KCTD8: variants seen among roughly 807,000 people sequenced by gnomAD.
The protein encoded by KCTD8 is potassium channel tetramerization domain containing 8.
Under a neutral mutation model 31.5 loss-of-function variants are expected in KCTD8, and 27 were observed. The ratio of observed to expected loss-of-function variants is 0.86; its 90% confidence interval spans 0.63 to 1.18. KCTD8 has a LOEUF of 1.18. Among genes scored for constraint, KCTD8 ranks in the 50% most tolerant of loss-of-function variants. The probability of loss-of-function intolerance (pLI) is 0.00; values close to 1 mark genes in which losing one functional copy is unlikely to be tolerated. For synonymous variants in KCTD8, 290 were observed against 280.0 expected, an observed-to-expected ratio of 1.04 and a Z score of -0.36; for missense variants, 658 against 647.7, an observed-to-expected ratio of 1.02 and a Z score of -0.17.
chr4:44,253,531 C>A (rs1281862312), intron 1 of KCTD8, among the ~76,000 whole-genome samples: 5 of 151,690 alleles, frequency 3.3e-5, no homozygotes, highest in Non-Finnish European at 7.4e-5. Flanking sequence ...CAGTTCTAGC[C>A]CTAGCCTTTA....
intron 1 of KCTD8, among the ~76,000 whole-genome samples, chr4:44,360,609 A>G (rs1428069774): frequency 6.6e-6 from 1 of 152,066 alleles, no homozygotes; most frequent in East Asian, 1.9e-4. Context: ...AACCAGGAGC[A>G]TCGAGAAAAC....
At position 44,356,670 on chromosome 4, in the gene KCTD8, C is replaced by A. The variant is rs1194811967; in HGVS notation, c.961+90893G>T. On this transcript the variant is annotated intron_variant, in intron 1 of 1. Coordinates refer to ENST00000360029, the MANE Select transcript of KCTD8 (RefSeq NM_198353.3). ...ATTTTTGGTAGAGACAGGGTTCCTACCATGTTGGCCAGGCTGGTCTCGAAC... is the reference window on the plus strand; with the variant it reads ...ATTTTTGGTAGAGACAGGGTTCCTAACATGTTGGCCAGGCTGGTCTCGAAC... 2.0e-5 allele frequency among the ~76,000 whole-genome samples: 3 copies of A among 152,114 alleles called. No individual in the cohort carries two copies. In the East Asian group the frequency reaches 5.8e-4, roughly 29 times the overall value.
chr4:44,213,246 T>A (rs1343834312), intron 1 of KCTD8, among the ~76,000 whole-genome samples: 1 of 152,174 alleles, frequency 6.6e-6, no homozygotes, highest in Non-Finnish European at 1.5e-5. Context: ...TTCTTTTTTT[T>A]ATTGACCAAA....
intron 1 of KCTD8, among the ~76,000 whole-genome samples, chr4:44,436,439 A>T (rs1332588235): frequency 6.6e-6 from 1 of 152,136 alleles, no homozygotes; most frequent in East Asian, 1.9e-4. Flanking sequence ...ACAGAAAAAA[A>T]GACATAAAAA....
At chr4:44,266,443 C>CA (rs1248163222) in intron 1 of KCTD8, among the ~76,000 whole-genome samples, 1 of 152,146 alleles carries the variant, frequency 6.6e-6, no homozygotes, top group Non-Finnish European at 1.5e-5. Context: ...AAAAACATGC[C>CA]AAAATGTAAA....
intron 1 of KCTD8, among the ~76,000 whole-genome samples, chr4:44,358,798 T>C (rs1342810032): frequency 6.6e-6 from 1 of 152,164 alleles, no homozygotes; most frequent in Non-Finnish European, 1.5e-5. Flanking sequence ...CTCGATCTCC[T>C]GACCTCATGA....
intron 1 of KCTD8, among the ~76,000 whole-genome samples, chr4:44,228,310 C>T (rs2109351347): frequency 6.6e-6 from 1 of 152,298 alleles, no homozygotes; most frequent in Non-Finnish European, 1.5e-5. Flanking sequence ...CTCTCTGTGC[C>T]TGTCCTAATC....
chr4:44,247,558 A>G (rs1482021360), intron 1 of KCTD8, among the ~76,000 whole-genome samples: 1 of 151,884 alleles, frequency 6.6e-6, no homozygotes, highest in Non-Finnish European at 1.5e-5. Context: ...CAATAAGCAT[A>G]TCTCTAGACT....
chr4:44,255,066 G>T (rs946091461), intron 1 of KCTD8, among the ~76,000 whole-genome samples: 2 of 151,764 alleles, frequency 1.3e-5, no homozygotes, highest in Non-Finnish European at 2.9e-5. Context: ...GGTATTTTTG[G>T]TTTGTTTTCT....
intron 1 of KCTD8, among the ~76,000 whole-genome samples, chr4:44,442,774 TACACACACAC>T: frequency 6.8e-6 from 1 of 147,342 alleles, no homozygotes; most frequent in East Asian, 2.0e-4. Context: ...AACTAAGGTA[TACACACACAC>T]ACACACACAC....
In KCTD8 at chr4:44,425,970, G is replaced by T. The variant is rs149765146; in HGVS notation, c.961+21593C>A. Among the ~76,000 whole-genome samples the T allele has an allele frequency of 3.3e-5, 5 of 151,360 alleles. No homozygotes were observed. The East Asian group carries it at 9.8e-4, about 30-fold the overall frequency. On this transcript the variant is annotated intron_variant, in intron 1 of 1. Transcript: ENST00000360029. Reference sequence around the variant, plus strand: ...GCAGTCACAACATATCTATATCAAAGATATGTAACCAAAGGCAATAAAAAT... The same window carrying T: ...GCAGTCACAACATATCTATATCAAATATATGTAACCAAAGGCAATAAAAAT...
chr4:44,221,500 G>A (rs916418897), intron 1 of KCTD8, among the ~76,000 whole-genome samples: 6 of 152,044 alleles, frequency 3.9e-5, no homozygotes, highest in Non-Finnish European at 7.4e-5. Flanking sequence ...ACAAGGTGAA[G>A]TCCCACAATA....
chr4:44,428,933 A>G (rs1297088351), intron 1 of KCTD8, among the ~76,000 whole-genome samples: 1 of 151,804 alleles, frequency 6.6e-6, no homozygotes, highest in African/African-American at 2.4e-5. Context: ...TGTGTATACC[A>G]GTAGGTATGG....
chr4:44,447,282 C>T (rs944270466), intron 1 of KCTD8, among the ~76,000 whole-genome samples: 2 of 152,228 alleles, frequency 1.3e-5, no homozygotes, highest in African/African-American at 4.8e-5. Context: ...TGGGAGCGGG[C>T]TGGGCCGAGA....
chr4:44,210,406 A>G (rs1333745652), intron 1 of KCTD8, among the ~76,000 whole-genome samples: 3 of 152,360 alleles, frequency 2.0e-5, no homozygotes, highest in Non-Finnish European at 4.4e-5. Flanking sequence ...CAATGCTTTT[A>G]TAAAATAACC....
intron 1 of KCTD8, among the ~76,000 whole-genome samples, chr4:44,326,365 G>T (rs1210628068): frequency 6.6e-6 from 1 of 151,552 alleles, no homozygotes; most frequent in African/African-American, 2.4e-5. Context: ...TTAAAACTAG[G>T]ATTCTATTTT....
chr4:44,432,272 G>A (rs1415381994), intron 1 of KCTD8, among the ~76,000 whole-genome samples: 1 of 151,424 alleles, frequency 6.6e-6, no homozygotes, highest in Non-Finnish European at 1.5e-5. Context: ...ATATAATTAA[G>A]TGCATTTCCT....
At chr4:44,339,719 A>G (rs1322533048) in intron 1 of KCTD8, among the ~76,000 whole-genome samples, 2 of 152,180 alleles carry the variant, frequency 1.3e-5, no homozygotes, top group African/African-American at 4.8e-5. Flanking sequence ...TGCTACAAAA[A>G]AAATTGAGAA....
At chr4:44,263,647 TG>T (rs1716248226) in intron 1 of KCTD8, among the ~76,000 whole-genome samples, 1 of 152,100 alleles carries the variant, frequency 6.6e-6, no homozygotes, top group Non-Finnish European at 1.5e-5. Context: ...ATACCAATTT[TG>T]GAAAAAAATG....
Sources: allele counts gnomAD v4.1 joint callset (sites outside exome capture counted in the v4.1 genomes callset), GRCh38; gene constraint gnomAD v4.1.1; transcripts MANE v1.5; gene names NCBI Gene and HGNC (gene_info 2026-07-23, HGNC 2026-07-21).